The following NBPF15 variants were observed in gnomAD, a reference collection of about 807,000 sequenced individuals.
The protein encoded by NBPF15 is NBPF family member NBPF15.
Under a neutral mutation model 62.2 loss-of-function variants are expected in NBPF15, and 74 were observed. That is an observed-to-expected ratio of 1.19 (90% CI 0.99 to 1.44). The LOEUF (loss-of-function observed/expected upper bound fraction) is 1.44, where lower values mean the gene tolerates loss of function less well. Among genes scored for constraint, NBPF15 ranks in the 40% most tolerant of loss-of-function variants. The pLI is 0.00. For synonymous variants in NBPF15, 244 were observed against 209.7 expected, an observed-to-expected ratio of 1.16 and a Z score of -1.41; for missense variants, 790 against 550.0, an observed-to-expected ratio of 1.44 and a Z score of -4.36.
chr1:144,458,186 T>C (rs1649623812), intron 3 of NBPF15, among the ~76,000 whole-genome samples: 1 of 152,078 alleles, frequency 6.6e-6, no homozygotes, highest in African/African-American at 2.4e-5. Context: ...GGCTTAACGC[T>C]TATTTAGGTA....
At position 144,456,570 on chromosome 1, in the gene NBPF15, A is replaced by C. The variant is rs1648031000; in HGVS notation, c.-465T>G. 6.7e-7 allele frequency: 1 copy of C among 1,500,440 alleles called. No individual in the cohort carries two copies. The highest frequency in any genetic ancestry group is 1.4e-5 in the African/African-American group (1 of 71,554). The allele number at this position is 1,500,440 out of a possible 1,614,324, so 92.9% of individuals were successfully genotyped here. ...TCTGGCAGCTCTTCATTCAGCCCAC[A>C]CCGTGTGAGGTTGCTCTTGGTGCAC... is the stretch of plus-strand genomic sequence containing the variant. On this transcript the variant is annotated 5_prime_UTR_variant, in exon 4 of 22. Transcript: ENST00000581897.
At chr1:144,445,381 AC>A (rs1686769290) in intron 6 of NBPF15, among the ~76,000 whole-genome samples, 1 of 140,156 alleles carries the variant, frequency 7.1e-6, no homozygotes, top group African/African-American at 2.6e-5. Flanking sequence ...ACACACACAC[AC>A]GTTTGTGTGT....
chr1:144,423,540 C>G (rs587740196), intron 21 of NBPF15, among the ~76,000 whole-genome samples: 6 of 151,928 alleles, frequency 3.9e-5, no homozygotes, highest in Admixed American at 3.9e-4. Flanking sequence ...TAAAAGGACA[C>G]TCTGAGTTAG....
At position 144,424,615 on chromosome 1, in the gene NBPF15, C is replaced by T. The variant is rs1431778756; in HGVS notation, c.1663+75G>A. 1.1e-5 allele frequency: 7 copies of T among 659,948 alleles called. 1 individual carries two copies. The highest frequency in any genetic ancestry group is 2.6e-5 in the East Asian group (1 of 38,748). The allele number at this position is 659,948 out of a possible 1,614,324, so 40.9% of individuals were successfully genotyped here. On this transcript the variant is annotated intron_variant, in intron 20 of 21. Transcript: ENST00000581897. ...ATGACATCTCTCAGCTCAGTAATGGCCAATTGGAGCAGGAATATGATCTTT... is the reference window on the plus strand; with the variant it reads ...ATGACATCTCTCAGCTCAGTAATGGTCAATTGGAGCAGGAATATGATCTTT...
chr1:144,428,966 A>G (rs1672138723), intron 14 of NBPF15, among the ~76,000 whole-genome samples: 1 of 152,028 alleles, frequency 6.6e-6, no homozygotes, highest in African/African-American at 2.4e-5. Context: ...CTAACACCTC[A>G]TAGGAGAGAT....
At chr1:144,430,877 T>A (rs1673679227) in intron 13 of NBPF15, among the ~76,000 whole-genome samples, 3 of 152,030 alleles carry the variant, frequency 2.0e-5, no homozygotes, top group African/African-American at 7.2e-5. Flanking sequence ...AGAGAAGACC[T>A]TAAATGACCT....
intron 4 of NBPF15, among the ~76,000 whole-genome samples, chr1:144,451,878 G>A (rs1276346626): frequency 4.6e-5 from 7 of 151,738 alleles, no homozygotes; most frequent in Non-Finnish European, 7.4e-5. Flanking sequence ...TTCAGGTCAG[G>A]CCGTGGCTCA....
At chr1:144,452,419 C>G (rs1258702945) in intron 4 of NBPF15, among the ~76,000 whole-genome samples, 5 of 151,746 alleles carry the variant, frequency 3.3e-5, no homozygotes, top group Non-Finnish European at 7.4e-5. Flanking sequence ...CAATAGTCCA[C>G]TATATAAAGT....
At chr1:144,459,689 A>T (rs1558624558) in intron 2 of NBPF15, among the ~76,000 whole-genome samples, 1 of 152,032 alleles carries the variant, frequency 6.6e-6, no homozygotes, top group East Asian at 1.9e-4. Flanking sequence ...TTTAACAGGC[A>T]CTTCACAAAA....
At chr1:144,448,500 T>C (rs1689125808) in intron 6 of NBPF15, among the ~76,000 whole-genome samples, 1 of 152,048 alleles carries the variant, frequency 6.6e-6, no homozygotes, top group Admixed American at 6.6e-5. Flanking sequence ...TATTATAAAC[T>C]GTATCATCTT....
chr1:144,442,342 G>GTATA, intron 6 of NBPF15, among the ~76,000 whole-genome samples: 1 of 124,518 alleles, frequency 8.0e-6, no homozygotes, highest in African/African-American at 3.1e-5. Flanking sequence ...CGTGTGCCAT[G>GTATA]TATATATATA....
Position 144,422,937 on chromosome 1 carries a change from G to T in NBPF15, c.*76C>A, listed in dbSNP as rs74467370. 6.2e-7 allele frequency: 1 copy of T among 1,611,410 alleles called. No individual in the cohort carries two copies. ...TATGTCTGGGCTTCCAAATGGAACTGTACTTTCATTCAAATCTTCTCGTGC... is the reference window on the plus strand; with the variant it reads ...TATGTCTGGGCTTCCAAATGGAACTTTACTTTCATTCAAATCTTCTCGTGC... On this transcript the variant is annotated 3_prime_UTR_variant, in exon 22 of 22. Coordinates refer to ENST00000581897, the MANE Select transcript of NBPF15 (RefSeq NM_001385408.1).
chr1:144,426,304 T>G lies in NBPF15; in HGVS notation c.1412A>C (p.Tyr471Ser). Residue 471 changes from tyrosine (Y) to serine (S), a missense_variant, in exon 18 of 22, where the codon TAC becomes TCC. Physicochemically the swap from Tyr to Ser is moderately radical, Grantham distance 144 (BLOSUM62 -2). Transcript: ENST00000581897. ...GTCCACGTCAAGAGCCAAGCCAAGG[T>G]ACTGTTCCTCCAATGAGTAAACAGC... ...SSAVYSLEEQ[Y>S]LGLALDVDRI... The G allele has an allele frequency of 2.9e-6, 2 of 682,780 alleles. No individual in the cohort carries two copies. Among genetic ancestry groups the G allele is most frequent in the Non-Finnish European group, 5.3e-6 (2 of 374,134 alleles). The allele number at this position is 682,780 out of a possible 1,614,324, so 42.3% of individuals were successfully genotyped here.
intron 1 of NBPF15, 94 bp downstream of exon 1, chr1:144,461,287 A>T (rs1223268561): frequency 7.6e-6 from 1 of 131,166 alleles, no homozygotes; most frequent in African/African-American, 2.9e-5. Context: ...ACGCCCTCCC[A>T]ACCCCCCACC....
chr1:144,422,814 T>G lies in NBPF15; in HGVS notation c.*199A>C. 1 of 1,332,914 alleles carries G rather than the reference T, an allele frequency of 7.5e-7. No individual in the cohort carries two copies. The highest frequency in any genetic ancestry group is 2.7e-4 in the Middle Eastern group (1 of 3,682). 82.6% of individuals were successfully genotyped at this position (1,332,914 alleles called of 1,614,324 possible). A position where few individuals can be genotyped will look rare whatever the true frequency, so the allele number is the denominator to read the frequency against. On this transcript the variant is annotated 3_prime_UTR_variant, in exon 22 of 22. Coordinates refer to ENST00000581897, the MANE Select transcript of NBPF15 (RefSeq NM_001385408.1). ...CATGTTCTGCACAGTTATGTGAACG[T>G]GTCACACCTAACATGGGTCCATTGT...
chr1:144,424,329 G>C (rs1668016566), intron 20 of NBPF15, among the ~76,000 whole-genome samples: 1 of 151,470 alleles, frequency 6.6e-6, no homozygotes, highest in Non-Finnish European at 1.5e-5. Context: ...CAAATACTCA[G>C]ATTGTTCATG....
chr1:144,431,248 G>A (rs1316966132), intron 13 of NBPF15, among the ~76,000 whole-genome samples: 1 of 150,590 alleles, frequency 6.6e-6, no homozygotes, highest in African/African-American at 2.5e-5. Context: ...TCCTCGAGAA[G>A]AGCAACCCCA....
At chr1:144,451,161 C>A (rs1456283639) in intron 4 of NBPF15, among the ~76,000 whole-genome samples, 5 of 151,526 alleles carry the variant, frequency 3.3e-5, no homozygotes, top group Non-Finnish European at 5.9e-5. Context: ...AACACGTGAA[C>A]AAATGTCTCT....
chr1:144,445,050 A>T (rs1686277754), intron 6 of NBPF15, among the ~76,000 whole-genome samples: 1 of 151,322 alleles, frequency 6.6e-6, no homozygotes, highest in African/African-American at 2.4e-5. Flanking sequence ...TTTTAATTTT[A>T]GCCATTCTTA....
Sources: allele counts gnomAD v4.1 joint callset (sites outside exome capture counted in the v4.1 genomes callset), GRCh38; gene constraint gnomAD v4.1.1; transcripts MANE v1.5; gene names NCBI Gene and HGNC (gene_info 2026-07-23, HGNC 2026-07-21).